The following OTOA variants were observed in gnomAD, a reference collection of about 807,000 sequenced individuals.
OTOA encodes cancer/testis antigen 108.
A neutral mutation model predicts 110.8 loss-of-function variants in OTOA; 70 were observed. The observed-to-expected ratio is 0.63, with a 90% CI of 0.52 to 0.77. The LOEUF is 0.77. Among genes scored for constraint, OTOA ranks in the 30% least tolerant of loss-of-function variants. The pLI, the probability that OTOA is intolerant of heterozygous loss-of-function variation, is 0.00. For missense variants in OTOA, 917 were observed against 1,075.8 expected, an observed-to-expected ratio of 0.85 and a Z score of 2.06; for synonymous variants, 373 against 431.5, an observed-to-expected ratio of 0.86 and a Z score of 1.68.
rs1259268785 is a variant in OTOA at position 21,715,300 on chromosome 16, GCA to G, written c.1488+152_1488+153del. The G allele has an allele frequency of 7.8e-6, 8 of 1,023,246 alleles. No homozygotes were observed. The Admixed American group carries it at 1.3e-4, about 16-fold the overall frequency. 63.4% of individuals were successfully genotyped at this position (1,023,246 alleles called of 1,614,324 possible). ...GGGGTGGCTCTGCCTTCTCCTGGTG[GCA>G]CACCTTCCTTCCTTTCCAGACGGAG... is the stretch of plus-strand genomic sequence containing the variant. On this transcript the variant is annotated intron_variant, in intron 14 of 28. Transcript: ENST00000646100.
intron 21 of OTOA, among the ~76,000 whole-genome samples, chr16:21,735,622 G>T (rs455332): frequency 0.39 from 59,804 of 151,754 alleles, 12,326 homozygotes; most frequent in Middle Eastern, 0.48. Context: ...AGACAGGGTT[G>T]TACTCCCATC....
chr16:21,680,896 T>G (rs1966884561), intron 5 of OTOA, among the ~76,000 whole-genome samples: 1 of 152,050 alleles, frequency 6.6e-6, no homozygotes, highest in Admixed American at 6.6e-5. Flanking sequence ...CATGGGCATT[T>G]ACTGTGTGTT....
intron 2 of OTOA, 24 bp from the exon 3 acceptor site, chr16:21,678,891 A>C (rs1236223029): frequency 6.2e-7 from 1 of 1,611,254 alleles, no homozygotes; most frequent in Non-Finnish European, 8.5e-7. Flanking sequence ...AATTCTAGTT[A>C]TACATTCAAT....
intron 19 of OTOA, 37 bp from the exon 20 acceptor site, chr16:21,728,204 G>T (rs1267507968): frequency 9.9e-6 from 16 of 1,612,894 alleles, no homozygotes; most frequent in African/African-American, 1.3e-5. Flanking sequence ...CTTATGCTCT[G>T]TTGGAACTGC....
At chr16:21,672,739 T>G (rs1056525524) in intron 1 of OTOA, among the ~76,000 whole-genome samples, 1 of 152,202 alleles carries the variant, frequency 6.6e-6, no homozygotes, top group African/African-American at 2.4e-5. Context: ...GTCTACCATC[T>G]CAAACATTTC....
At chr16:21,719,320 C>T in intron 16 of OTOA, 67 bp from the exon 17 acceptor site, 2 of 1,565,956 alleles carry the variant, frequency 1.3e-6, no homozygotes, top group Non-Finnish European at 1.8e-6. Context: ...TATCTGCCTT[C>T]TCTCGCTCTT....
chr16:21,678,661 G>T, intron 2 of OTOA, 56 bp downstream of exon 2: 7 of 1,482,208 alleles, frequency 4.7e-6, no homozygotes, highest in Non-Finnish European at 6.6e-6. Context: ...TAGGGAATGA[G>T]GTGGGATAGA....
intron 7 of OTOA, among the ~76,000 whole-genome samples, 168 bp downstream of exon 7, chr16:21,685,529 T>C (rs1209160313): frequency 6.6e-6 from 1 of 152,174 alleles, no homozygotes; most frequent in Non-Finnish European, 1.5e-5. Flanking sequence ...TTTTCTCACT[T>C]ACTTTCTCCA....
At chr16:21,719,856 C>G (rs1898675222) in intron 17 of OTOA, among the ~76,000 whole-genome samples, 1 of 152,122 alleles carries the variant, frequency 6.6e-6, no homozygotes, top group Non-Finnish European at 1.5e-5. Context: ...TGAATGCAAA[C>G]AGTACTCTGA....
intron 1 of OTOA, among the ~76,000 whole-genome samples, chr16:21,670,742 T>C (rs1397154744): frequency 2.0e-5 from 3 of 152,202 alleles, no homozygotes; most frequent in Non-Finnish European, 4.4e-5. Context: ...ATTATAGCTG[T>C]GCTTGGTGCT....
chr16:21,747,047 T>C, intron 24 of OTOA, among the ~76,000 whole-genome samples: 1 of 151,392 alleles, frequency 6.6e-6, no homozygotes, highest in Non-Finnish European at 1.5e-5. Flanking sequence ...TACATAGTAG[T>C]CAATAAAAAT....
intron 12 of OTOA, among the ~76,000 whole-genome samples, chr16:21,709,675 A>T (rs964768086): frequency 6.6e-6 from 1 of 152,294 alleles, no homozygotes; most frequent in South Asian, 2.1e-4. Flanking sequence ...TTTTTGGCAC[A>T]TGAAAGCTAA....
At chr16:21,715,228 T>A in intron 14 of OTOA, 76 bp downstream of exon 14, 1 of 1,593,944 alleles carries the variant, frequency 6.3e-7, no homozygotes. Context: ...GGGCTGTGAC[T>A]TTGGGCCATG....
chr16:21,675,602 G>T (rs1208000583), intron 1 of OTOA, among the ~76,000 whole-genome samples: 1 of 151,708 alleles, frequency 6.6e-6, no homozygotes, highest in Non-Finnish European at 1.5e-5. Flanking sequence ...AATTTATTTT[G>T]CTATGACTTC....
chr16:21,722,166 G>A lies in OTOA; in HGVS notation c.1807-739G>A, dbSNP rs112415692. Among the ~76,000 whole-genome samples, 686 of 149,942 alleles carry A rather than the reference G, an allele frequency of 4.6e-3. 16 individuals are homozygous for A. In the East Asian group the frequency reaches 0.077, roughly 17 times the overall value. On this transcript the variant is annotated intron_variant, in intron 17 of 28. Coordinates refer to ENST00000646100, the MANE Select transcript of OTOA (RefSeq NM_144672.4). ...AATCCTAGCTACTCGGGAGGCTGAC[G>A]CAGGAGAACTGCTTGAACCTGGAAG...
intron 10 of OTOA, 72 bp downstream of exon 10, chr16:21,697,947 A>G (rs1459983370): frequency 7.5e-6 from 10 of 1,326,842 alleles, no homozygotes; most frequent in Non-Finnish European, 2.2e-6. Context: ...CTCAAACTCT[A>G]ATGTTCATCC....
intron 18 of OTOA, among the ~76,000 whole-genome samples, chr16:21,723,642 G>A (rs1366053065): frequency 2.0e-5 from 3 of 152,106 alleles, no homozygotes; most frequent in Non-Finnish European, 4.4e-5. Context: ...ACTGAAACTG[G>A]CTTATGCAAT....
chr16:21,721,175 A>G (rs1898723112), intron 17 of OTOA: 1 of 402,386 alleles, frequency 2.5e-6, no homozygotes, highest in Non-Finnish European at 5.2e-6. Flanking sequence ...TCAGCCTCCT[A>G]AAGTGCTGGG....
chr16:21,758,361 G>A (rs1261594687), intron 28 of OTOA, among the ~76,000 whole-genome samples: 1 of 149,440 alleles, frequency 6.7e-6, no homozygotes, highest in African/African-American at 2.5e-5. Context: ...GTGAACATGA[G>A]GCAGGTGCTG....
Sources: gnomAD v4.1 joint callset for allele counts (sites outside exome capture counted in the v4.1 genomes callset) on GRCh38, gnomAD v4.1.1 for gene constraint, MANE v1.5 for transcripts, NCBI Gene and HGNC (gene_info 2026-07-23, HGNC 2026-07-21) for gene names.